The following KIF21B variants were observed in gnomAD, a reference collection of about 807,000 sequenced individuals.
KIF21B encodes kinesin-like protein KIF21B.
In KIF21B, 85 loss-of-function variants were observed where a neutral mutation model predicts 192.9. The ratio of observed to expected loss-of-function variants is 0.44; its 90% CI spans 0.37 to 0.53. The LOEUF is 0.53. Ranked by LOEUF, KIF21B falls within the 20% of genes least tolerant of loss-of-function variation. KIF21B has a pLI of 0.00. For missense variants in KIF21B, 1,716 were observed against 2,194.8 expected, an observed-to-expected ratio of 0.78 and a Z score of 4.36; for synonymous variants, 832 against 884.6, an observed-to-expected ratio of 0.94 and a Z score of 1.05.
intron 30 of KIF21B, 128 bp downstream of exon 30, chr1:200,979,407 C>T: frequency 1.6e-6 from 1 of 615,280 alleles, no homozygotes; most frequent in Non-Finnish European, 2.6e-6. Flanking sequence ...AGTTCATAGG[C>T]TGGTAATGGT....
rs151003945 is a variant in KIF21B, at chr1:200,999,890, G to A, written c.1760C>T (p.Ala587Val). The change falls in exon 12 of 35, where the codon GCG (alanine) becomes GTG (valine). Residue 587 changes from alanine (A) to valine (V), a missense_variant. By Grantham distance (64) the Ala-to-Val change is moderately conservative. Around this residue, in one of 3 missense-constraint regions of KIF21B, gnomAD observed 1,087 missense variants for 1,316.6 expected, o/e 0.83. Coordinates refer to ENST00000461742, the MANE Select transcript of KIF21B (RefSeq NM_001252102.2). The surrounding 1 kb of genome is among the most constrained non-coding windows in gnomAD (Gnocchi z 4.7). The stretch of plus-strand genomic sequence containing the variant: ...GCGGCCCGTGCTCCTCACCTCCTCC[G>A]CCTCGTTCTCATCCGTCTCCTCGCT... ...ENSEETDENEAEEEEEERDES... is the reference protein window; with the variant it reads ...ENSEETDENEVEEEEEERDES... The A allele has an allele frequency of 1.9e-6, 3 of 1,613,680 alleles. No individual in the cohort carries two copies. The highest frequency in any genetic ancestry group is 1.7e-5 in the Admixed American group (1 of 60,024).
At position 200,990,905 on chromosome 1, in the gene KIF21B, A is replaced by G; in HGVS notation, c.2687+12T>C. ...TGCCTGCACAGGCCAGGGGACTGCC[A>G]GTCCACCTTACCGGGCAGGACGGGT... On this transcript the variant is annotated intron_variant, in intron 18 of 34. Transcript: ENST00000461742. This position sits in a 1 kb window ranked among gnomAD's most constrained non-coding sequence, Gnocchi z 5.4. The G allele has an allele frequency of 6.2e-7, 1 of 1,613,898 alleles. No homozygotes were observed. The highest frequency in any genetic ancestry group is 1.7e-5 in the Admixed American group (1 of 60,022).
intron 30 of KIF21B, among the ~76,000 whole-genome samples, chr1:200,978,279 C>G (rs1655693532): frequency 6.6e-6 from 1 of 151,968 alleles, no homozygotes; most frequent in African/African-American, 2.4e-5. Context: ...GAACTACCGA[C>G]CTCAGGTGAT....
chr1:201,007,163 GACACACAGACAC>G (rs1310341522), intron 3 of KIF21B, among the ~76,000 whole-genome samples: 4 of 97,886 alleles, frequency 4.1e-5, no homozygotes, highest in Non-Finnish European at 4.3e-5. Flanking sequence ...CGGACACAGA[GACACACAGACAC>G]ACACACAGAC....
chr1:200,986,363 CT>C (rs60825961), intron 26 of KIF21B, among the ~76,000 whole-genome samples: 81 of 138,846 alleles, frequency 5.8e-4, no homozygotes, highest in Admixed American at 7.9e-4. Context: ...TTTTTTTTTT[CT>C]TTTTTTTTTT....
chr1:200,990,240 C>T lies in KIF21B; in HGVS notation c.2928G>A (p.Gln976=). The T allele has an allele frequency of 1.9e-6, 3 of 1,614,124 alleles. No homozygotes were observed. The highest frequency in any genetic ancestry group is 2.5e-6 in the Non-Finnish European group (3 of 1,180,018). ...GCACCTCGATCTCCTCAGCCAGCTCCTGCAGCCCCTTCTCTTCCTCGGGGC... is the reference window on the plus strand; with the variant it reads ...GCACCTCGATCTCCTCAGCCAGCTCTTGCAGCCCCTTCTCTTCCTCGGGGC... ...AESPEEEKGL[Q]ELAEEIEVLA... The change falls in exon 20 of 35, where the codon CAG becomes CAA. Residue 976 remains glutamine (Q), a synonymous_variant. Transcript: ENST00000461742. The surrounding 1 kb of genome is among the most constrained non-coding windows in gnomAD (Gnocchi z 5.4).
chr1:200,971,959 T>C lies in KIF21B; in HGVS notation c.*1562A>G, dbSNP rs1209111678. Reference sequence around the variant, plus strand: ...TCTGGAAAGTCCAAAAGTCACTGCGTCCTCTGAAGGGAGGTGGGGCTGGCT... The same window carrying C: ...TCTGGAAAGTCCAAAAGTCACTGCGCCCTCTGAAGGGAGGTGGGGCTGGCT... On this transcript the variant is annotated 3_prime_UTR_variant, in exon 35 of 35. Transcript: ENST00000461742. 2 of 149,826 alleles carry C rather than the reference T, an allele frequency of 1.3e-5. No homozygotes were observed. The highest frequency in any genetic ancestry group is 2.9e-5 in the Non-Finnish European group (2 of 67,800). 9.3% of individuals were successfully genotyped at this position (149,826 alleles called of 1,614,324 possible).
chr1:200,975,517 G>A lies in KIF21B; in HGVS notation c.4596C>T (p.Asp1532=), dbSNP rs1464267937. ...RDNGIKKWDL[D]QQELIQQIPN... is the part of the protein sequence containing the mutation. Reference sequence around the variant, plus strand: ...ACCCCACCTGGATGAGCTCCTGCTGGTCTAGGTCCCACTTCTTGATGCCGT... The same window carrying A: ...ACCCCACCTGGATGAGCTCCTGCTGATCTAGGTCCCACTTCTTGATGCCGT... Residue 1532 remains aspartate (D), a synonymous_variant, in exon 33 of 35, where the codon GAC becomes GAT. Coordinates refer to ENST00000461742, the MANE Select transcript of KIF21B (RefSeq NM_001252102.2). The surrounding 1 kb of genome is among the most constrained non-coding windows in gnomAD (Gnocchi z 4.3). The A allele has an allele frequency of 1.2e-6, 2 of 1,613,008 alleles. No homozygotes were observed. Among genetic ancestry groups the A allele is most frequent in the Non-Finnish European group, 1.7e-6 (2 of 1,179,220 alleles).
chr1:201,021,891 C>G (rs908288301), intron 1 of KIF21B, among the ~76,000 whole-genome samples: 3 of 152,188 alleles, frequency 2.0e-5, no homozygotes, highest in East Asian at 3.9e-4. Flanking sequence ...TCCCACCCCC[C>G]AGCCATGCAC....
chr1:201,004,398 C>G lies in KIF21B; in HGVS notation c.958G>C (p.Val320Leu). ...GTGAGCTTGGAGTCCCTGTAGGGAA[C>G]GTGCACCACCTTCTTGCTCTGGTCC... is the stretch of plus-strand genomic sequence containing the variant. ...LGDQSKKVVH[V>L]PYRDSKLTRL... Residue 320 changes from valine to leucine, a missense_variant, in exon 7 of 35, where the codon GTT becomes CTT. Val to Leu is a conservative substitution (Grantham distance 32). Coordinates refer to ENST00000461742, the MANE Select transcript of KIF21B (RefSeq NM_001252102.2). 2 of 1,582,410 alleles carry G rather than the reference C, an allele frequency of 1.3e-6. No individual in the cohort carries two copies. Among genetic ancestry groups the G allele is most frequent in the Non-Finnish European group, 1.7e-6 (2 of 1,163,472 alleles).
At position 201,017,054 on chromosome 1, in the gene KIF21B, T is replaced by G. The variant is rs1202314370; in HGVS notation, c.41+6289A>C. On this transcript the variant is annotated intron_variant, in intron 1 of 34. Transcript: ENST00000461742. This position sits in a 1 kb window ranked among gnomAD's most constrained non-coding sequence, Gnocchi z 4.1. ...CCCCACCCCCTCCTCTTGAGTGTCC[T>G]TGACCTTACTAGGGTCTTGGCCACT... is the stretch of plus-strand genomic sequence containing the variant. 6.6e-6 allele frequency among the ~76,000 whole-genome samples: 1 copy of G among 152,104 alleles called. No individual in the cohort carries two copies. Among genetic ancestry groups the G allele is most frequent in the Non-Finnish European group, 1.5e-5 (1 of 67,992 alleles).
At chr1:200,974,429 G>T (rs1309472921) in intron 34 of KIF21B, among the ~76,000 whole-genome samples, 2 of 152,154 alleles carry the variant, frequency 1.3e-5, no homozygotes, top group African/African-American at 4.8e-5. Context: ...CACGGGGGAA[G>T]ACAGCCAGGG....
At chr1:201,004,223 C>G in intron 7 of KIF21B, 117 bp downstream of exon 7, 1 of 811,744 alleles carries the variant, frequency 1.2e-6, no homozygotes, top group Non-Finnish European at 2.0e-6. Context: ...AACCTGCAGC[C>G]TAGGATGGGA....
rs543476348 is a variant in KIF21B, at chr1:201,005,010, G to A, written c.733-77C>T. 5.0e-3 allele frequency: 7,488 copies of A among 1,498,368 alleles called. 19 individuals are homozygous for A. Among genetic ancestry groups the A allele is most frequent in the Non-Finnish European group, 6.1e-3 (6,741 of 1,097,594 alleles). 92.8% of individuals were successfully genotyped at this position (1,498,368 alleles called of 1,614,324 possible). On this transcript the variant is annotated intron_variant, in intron 5 of 34. Transcript: ENST00000461742. ...TCCCCTGATCACAGTACTGCCATCC[G>A]GGAGAGGCACGGTGGACGGCCAAGC...
At position 201,005,573 on chromosome 1, in the gene KIF21B, G is replaced by T. The variant is rs747765335; in HGVS notation, c.569C>A (p.Thr190Asn). Residue 190 changes from threonine (T) to asparagine (N), a missense_variant, in exon 4 of 35, where the codon ACT becomes AAT. Thr to Asn is a moderately conservative substitution (Grantham distance 65, BLOSUM62 0). Coordinates refer to ENST00000461742, the MANE Select transcript of KIF21B (RefSeq NM_001252102.2). ...ANGGIYTTGV[T>N]SRLIHSQEEL... Reference sequence around the variant, plus strand: ...CTCCTGGGAGTGGATGAGGCGAGAAGTGACGCCAGTGGTGTAGATGCCACC... The same window carrying T: ...CTCCTGGGAGTGGATGAGGCGAGAATTGACGCCAGTGGTGTAGATGCCACC... 3.7e-6 allele frequency: 6 copies of T among 1,614,152 alleles called. No individual in the cohort carries two copies. In the East Asian group the frequency reaches 1.3e-4, roughly 36 times the overall value.
At chr1:201,009,051 C>T (rs1223645058) in intron 2 of KIF21B, 100 bp from the exon 3 acceptor site, 5 of 1,378,176 alleles carry the variant, frequency 3.6e-6, no homozygotes, top group Non-Finnish European at 4.9e-6. Flanking sequence ...TACCTCCCAG[C>T]CCGGTTCCCC....
chr1:200,976,306 G>T (rs1043014844), intron 32 of KIF21B, among the ~76,000 whole-genome samples: 1 of 152,098 alleles, frequency 6.6e-6, no homozygotes, highest in African/African-American at 2.4e-5. Flanking sequence ...TGGCCAGGCT[G>T]GTCTCAAACT....
At position 200,973,346 on chromosome 1, in the gene KIF21B, G is replaced by C; in HGVS notation, c.*175C>G. The C allele has an allele frequency of 2.9e-6, 2 of 689,372 alleles. No homozygotes were observed. The highest frequency in any genetic ancestry group is 4.3e-6 in the Non-Finnish European group (2 of 470,228). 42.7% of individuals were successfully genotyped at this position (689,372 alleles called of 1,614,324 possible). A position where few individuals can be genotyped will look rare whatever the true frequency, so the allele number is the denominator to read the frequency against. The stretch of plus-strand genomic sequence containing the variant: ...CCAGAGGCTCCTGAGAGGCAGGGGA[G>C]GGATGAGGGAACAGTGTCCTGTGGG... On this transcript the variant is annotated 3_prime_UTR_variant, in exon 35 of 35. Coordinates refer to ENST00000461742, the MANE Select transcript of KIF21B (RefSeq NM_001252102.2).
intron 34 of KIF21B, chr1:200,973,830 T>C: frequency 7.0e-7 from 1 of 1,432,066 alleles, no homozygotes; most frequent in Non-Finnish European, 9.1e-7. Context: ...GTGTTTCGTT[T>C]TGTCCAGGCC....
Sources: gnomAD v4.1 joint callset for allele counts (sites outside exome capture counted in the v4.1 genomes callset) on GRCh38, gnomAD v4.1.1 for gene constraint, gnomAD v4.1.1 regional missense constraint, Gnocchi (gnomAD v3.1) non-coding constraint, MANE v1.5 for transcripts, NCBI Gene and HGNC (gene_info 2026-07-23, HGNC 2026-07-21) for gene names.